DIP2A: variants seen among roughly 807,000 people sequenced by gnomAD.
DIP2A encodes the protein disco-interacting protein 2 homolog A.
Under a neutral mutation model 177.4 loss-of-function variants are expected in DIP2A, and 85 were observed. The ratio of observed to expected loss-of-function variants is 0.48; its 90% CI spans 0.40 to 0.57. The LOEUF (loss-of-function observed/expected upper bound fraction) is 0.57, where lower values mean the gene tolerates loss of function less well. Among genes scored for constraint, DIP2A ranks in the 20% least tolerant of loss-of-function variants. The pLI, the probability that DIP2A is intolerant of heterozygous loss-of-function variation, is 0.00. For missense variants in DIP2A, 1,791 were observed against 2,100.2 expected (o/e 0.85, Z 2.88); for synonymous variants, 886 against 881.8 (o/e 1.00, Z -0.08).
intron 8 of DIP2A, among the ~76,000 whole-genome samples, chr21:46,528,528 T>A (rs1156431523): frequency 6.0e-4 from 17 of 28,338 alleles, no homozygotes; most frequent in African/African-American, 2.0e-3. Context: ...TTCTGCTTGC[T>A]TTTTTTTTTT....
intron 1 of DIP2A, among the ~76,000 whole-genome samples, chr21:46,465,144 T>G (rs1429804729): frequency 6.6e-6 from 1 of 152,206 alleles, no homozygotes; most frequent in Non-Finnish European, 1.5e-5. Flanking sequence ...ATGTGACTGC[T>G]TTCTCAGAAC....
At chr21:46,539,814 G>A in intron 16 of DIP2A, 63 bp from the exon 17 acceptor site, 1 of 1,369,020 alleles carries the variant, frequency 7.3e-7, no homozygotes, top group Non-Finnish European at 1.0e-6. Context: ...AGCATGTCCA[G>A]CCACCCCTTC....
intron 1 of DIP2A, among the ~76,000 whole-genome samples, chr21:46,464,457 C>G (rs1204411652): frequency 3.9e-5 from 6 of 152,186 alleles, no homozygotes; most frequent in African/African-American, 1.4e-4. Context: ...CCCAAATGCT[C>G]TCTATCTTAG....
chr21:46,533,746 T>G, intron 11 of DIP2A, 99 bp downstream of exon 11: 2 of 1,539,966 alleles, frequency 1.3e-6, no homozygotes, highest in Non-Finnish European at 1.8e-6. Flanking sequence ...TGTCTGGGTC[T>G]TCAGCAAAAG....
At chr21:46,511,747 C>A in intron 8 of DIP2A, 133 bp downstream of exon 8, 1 of 959,746 alleles carries the variant, frequency 1.0e-6, no homozygotes, top group Non-Finnish European at 1.5e-6. Context: ...AGAACATTGA[C>A]CTATACCAGG....
intron 1 of DIP2A, among the ~76,000 whole-genome samples, chr21:46,464,401 G>T (rs1385366181): frequency 6.6e-6 from 1 of 152,042 alleles, no homozygotes; most frequent in Non-Finnish European, 1.5e-5. Flanking sequence ...CTCAAAAAAA[G>T]AAAAACGTTC....
intron 35 of DIP2A, among the ~76,000 whole-genome samples, chr21:46,564,402 G>A (rs765284610): frequency 5.9e-5 from 9 of 152,348 alleles, no homozygotes; most frequent in Non-Finnish European, 1.0e-4. Flanking sequence ...ACACAGTGGA[G>A]GGTGCGGGTC....
intron 12 of DIP2A, among the ~76,000 whole-genome samples, chr21:46,534,335 G>A (rs1018951155): frequency 6.6e-6 from 1 of 152,166 alleles, no homozygotes; most frequent in African/African-American, 2.4e-5. Context: ...CCCTGGGGAT[G>A]CAGACAGTTA....
intron 8 of DIP2A, among the ~76,000 whole-genome samples, chr21:46,517,391 A>G (rs1366431640): frequency 2.0e-4 from 31 of 151,852 alleles, no homozygotes; most frequent in Admixed American, 2.0e-3. Flanking sequence ...TTGATTGAAT[A>G]TTGTATGTTG....
chr21:46,460,209 T>A (rs1481877512), intron 1 of DIP2A, among the ~76,000 whole-genome samples: 1 of 151,594 alleles, frequency 6.6e-6, no homozygotes, highest in Non-Finnish European at 1.5e-5. Context: ...AAAAAAAAAG[T>A]CGTATAAATG....
At chr21:46,479,386 A>G (rs1271266167) in intron 1 of DIP2A, among the ~76,000 whole-genome samples, 3 of 152,190 alleles carry the variant, frequency 2.0e-5, no homozygotes, top group Non-Finnish European at 4.4e-5. Flanking sequence ...TTTAATGAAC[A>G]TATTTTTCAT....
In DIP2A at chr21:46,497,107, G is replaced by C; in HGVS notation, c.403G>C (p.Asp135His). The change falls in exon 4 of 38, where the codon GAC (aspartate) becomes CAC (histidine). Residue 135 changes from aspartate (D) to histidine (H), a missense_variant and splice_region_variant. Physicochemically the swap from Asp to His is moderately conservative, Grantham distance 81 (BLOSUM62 -1). Transcript: ENST00000417564. The part of the protein sequence containing the change: ...HSSVETYTPP[D>H]TSSASEDEGS... ...GTCTGTGGAAACCTACACCCCTCCA[G>C]GTATTGATAAACAATGTCAAGTGTG... The C allele has an allele frequency of 6.2e-7, 1 of 1,601,606 alleles. No homozygotes were observed. The highest frequency in any genetic ancestry group is 8.5e-7 in the Non-Finnish European group (1 of 1,177,122).
At chr21:46,500,451 C>G (rs532204980) in intron 5 of DIP2A, among the ~76,000 whole-genome samples, 1 of 152,200 alleles carries the variant, frequency 6.6e-6, no homozygotes, top group East Asian at 1.9e-4. Flanking sequence ...TTTGCCTTCT[C>G]TGTTCATCGT....
intron 3 of DIP2A, among the ~76,000 whole-genome samples, chr21:46,491,654 C>G (rs1418005620): frequency 1.3e-5 from 2 of 152,242 alleles, no homozygotes; most frequent in South Asian, 2.1e-4. Flanking sequence ...CAGCATTTCA[C>G]TGAGCACTGT....
At chr21:46,460,986 G>A (rs912259251) in intron 1 of DIP2A, among the ~76,000 whole-genome samples, 1 of 151,786 alleles carries the variant, frequency 6.6e-6, no homozygotes, top group African/African-American at 2.4e-5. Flanking sequence ...GAGCCACCGT[G>A]CCTGGCTTGT....
chr21:46,554,786 G>GGGGGGGGGGGGGGGCCCC, intron 27 of DIP2A, 36 bp from the exon 28 acceptor site: 2 of 1,519,090 alleles, frequency 1.3e-6, no homozygotes, highest in Non-Finnish European at 8.8e-7. Flanking sequence ...AGCTTGAGAG[G>GGGGGGGGGGGGGGGCCCC]CCCCGCCCAC....
intron 4 of DIP2A, among the ~76,000 whole-genome samples, chr21:46,497,424 C>T (rs919961133): frequency 8.5e-5 from 13 of 152,182 alleles, no homozygotes; most frequent in East Asian, 5.8e-4. Context: ...AAAATAAGCA[C>T]TAAGCTAAAG....
At chr21:46,517,054 CTTTTTTTTTTTT>C (rs71318086) in intron 8 of DIP2A, among the ~76,000 whole-genome samples, 22 of 60,884 alleles carry the variant, frequency 3.6e-4, no homozygotes, top group South Asian at 3.5e-3. Context: ...TTTTCTCTCT[CTTTTTTTTTTTT>C]TTTTTTTTTT....
rs1055669046 is a variant in DIP2A at position 46,554,839 on chromosome 21, C to T, written c.3294C>T (p.Cys1098=). 3.9e-6 allele frequency: 6 copies of T among 1,525,018 alleles called. No homozygotes were observed. The highest frequency in any genetic ancestry group is 1.2e-5 in the South Asian group (1 of 83,368). The allele number at this position is 1,525,018 out of a possible 1,614,324, so 94.5% of individuals were successfully genotyped here. A position where few individuals can be genotyped will look rare whatever the true frequency, so the allele number is the denominator to read the frequency against. Residue 1098 remains cysteine, a synonymous_variant, in exon 28 of 38, where the codon TGC becomes TGT. Coordinates refer to ENST00000417564, the MANE Select transcript of DIP2A (RefSeq NM_015151.4). ...CCATGCAGGTCAGCAAGTCTGCATG[C>T]GTCCTCACCACGCAGGCTGTCACAC... is the stretch of plus-strand genomic sequence containing the variant. ...KMIVEVSKSA[C]VLTTQAVTRL...
Sources: gnomAD v4.1 joint callset for allele counts (sites outside exome capture counted in the v4.1 genomes callset) on GRCh38, gnomAD v4.1.1 for gene constraint, MANE v1.5 for transcripts, NCBI Gene and HGNC (gene_info 2026-07-23, HGNC 2026-07-21) for gene names.